EP300: variants seen among roughly 807,000 people sequenced by gnomAD.
EP300 encodes the protein histone acetyltransferase p300.
Under a neutral mutation model 264.0 loss-of-function variants are expected in EP300, and 31 were observed. The ratio of observed to expected loss-of-function variants is 0.12; its 90% CI spans 0.09 to 0.16. The LOEUF (loss-of-function observed/expected upper bound fraction) is 0.16. Ranked by LOEUF, EP300 falls within the 10% of genes least tolerant of loss-of-function variation. The pLI is 1.00. For missense variants in EP300, 2,766 were observed against 3,052.9 expected (o/e 0.91, Z 2.21); for synonymous variants, 1,340 against 1,045.4 (o/e 1.28, Z -5.44).
intron 17 of EP300, 109 bp from the exon 18 acceptor site, chr22:41,157,060 C>A: frequency 7.2e-7 from 1 of 1,387,670 alleles, no homozygotes; most frequent in Non-Finnish European, 1.0e-6. Context: ...TATAGACAGG[C>A]CAGAAACTAA....
chr22:41,135,883 G>T lies in EP300; in HGVS notation c.1599G>T (p.Leu533Phe). 6.2e-7 allele frequency: 1 copy of T among 1,613,930 alleles called. No homozygotes were observed. Among genetic ancestry groups the T allele is most frequent in the Non-Finnish European group, 8.5e-7 (1 of 1,179,870 alleles). Residue 533 changes from leucine (L) to phenylalanine (F), a missense_variant, in exon 7 of 31, where the codon TTG becomes TTT. By Grantham distance (22) the Leu-to-Phe change is conservative. Transcript: ENST00000263253. ...QTPSLLSDSM[L>F]HSAINSQNPM... ...CGAGTCTTCTTTCTGACTCAATGTT[G>T]CATTCAGCCATAAATTCTCAAAAGT...
intron 2 of EP300, 98 bp from the exon 3 acceptor site, chr22:41,125,766 G>C (rs780034458): frequency 5.6e-5 from 74 of 1,329,226 alleles, no homozygotes; most frequent in Non-Finnish European, 2.9e-5. Flanking sequence ...AATTTCCTTT[G>C]AAACTGTCTT....
At chr22:41,160,530 C>G (rs754807689) in intron 19 of EP300, 112 bp from the exon 20 acceptor site, 11 of 893,568 alleles carry the variant, frequency 1.2e-5, no homozygotes, top group Admixed American at 7.5e-5. Flanking sequence ...ATGACCTGCT[C>G]TCTGCTCCCG....
intron 27 of EP300, among the ~76,000 whole-genome samples, chr22:41,172,022 C>T (rs1317532809): frequency 6.6e-6 from 1 of 152,164 alleles, no homozygotes; most frequent in Non-Finnish European, 1.5e-5. Context: ...AGAAGTTTTC[C>T]TAAGCAGCCC....
rs997186440 is a variant in EP300, at chr22:41,179,092, CCG to C, written c.*137_*138del. 3.2e-5 allele frequency: 32 copies of C among 985,570 alleles called. No individual in the cohort carries two copies. The highest frequency in any genetic ancestry group is 2.8e-4 in the African/African-American group (17 of 61,442). The allele number at this position is 985,570 out of a possible 1,614,324, so 61.1% of individuals were successfully genotyped here. Reference sequence around the variant, plus strand: ...GGAACACATAAGAACTGTGCAGTAGCCGTTTGTGGTTTAAAGCAAACATGCAA... The same window carrying C: ...GGAACACATAAGAACTGTGCAGTAGCTTTGTGGTTTAAAGCAAACATGCAA... On this transcript the variant is annotated 3_prime_UTR_variant, in exon 31 of 31. Transcript: ENST00000263253.
At chr22:41,142,912 A>T (rs2058991308) in intron 10 of EP300, among the ~76,000 whole-genome samples, 1 of 151,950 alleles carries the variant, frequency 6.6e-6, no homozygotes, top group African/African-American at 2.4e-5. Flanking sequence ...GACATACCTG[A>T]GATACTTGGT....
intron 1 of EP300, among the ~76,000 whole-genome samples, chr22:41,099,179 T>C (rs2058717854): frequency 6.6e-6 from 1 of 152,092 alleles, no homozygotes. Flanking sequence ...ATTCTCCTGC[T>C]CAGCCTCCGG....
In EP300 at chr22:41,177,529, C is replaced by T. The variant is rs2145517900; in HGVS notation, c.5818C>T (p.Arg1940Cys). 11 of 1,614,164 alleles carry T rather than the reference C, an allele frequency of 6.8e-6. No individual in the cohort carries two copies. The highest frequency in any genetic ancestry group is 9.3e-6 in the Non-Finnish European group (11 of 1,180,028). The part of the protein sequence containing the change: ...MQIQRAAETQ[R>C]QMAHVQIFQR... ...GATTCAGAGAGCAGCGGAGACGCAG[C>T]GCCAGATGGCCCACGTGCAAATTTT... Residue 1940 changes from arginine (R) to cysteine (C), a missense_variant, in exon 31 of 31, where the codon CGC becomes TGC. Transcript: ENST00000263253.
rs79025492 is a variant in EP300, at chr22:41,093,206, C to A, written c.94+108C>A. The stretch of plus-strand genomic sequence containing the variant: ...TTCCTCTCTCTCTAGTTCCCTGCCC[C>A]TTAATTAATTTTAAAGGTATTTGAA... On this transcript the variant is annotated intron_variant, in intron 1 of 30. Coordinates refer to ENST00000263253, the MANE Select transcript of EP300 (RefSeq NM_001429.4). 16,525 of 1,118,968 alleles carry A rather than the reference C, an allele frequency of 0.015. 1,183 individuals are homozygous for A. In the East Asian group the frequency reaches 0.18, roughly 12 times the overall value. The allele number at this position is 1,118,968 out of a possible 1,614,324, so 69.3% of individuals were successfully genotyped here.
intron 12 of EP300, 80 bp downstream of exon 12, chr22:41,148,026 C>T (rs2059022415): frequency 2.0e-6 from 2 of 976,856 alleles, no homozygotes; most frequent in African/African-American, 1.7e-5. Context: ...TTTATAAATT[C>T]TCACAGTCAT....
intron 12 of EP300, among the ~76,000 whole-genome samples, chr22:41,148,365 C>T (rs1156818687): frequency 6.6e-6 from 1 of 152,196 alleles, no homozygotes; most frequent in Non-Finnish European, 1.5e-5. Flanking sequence ...TTAGAGTTAG[C>T]TGGTGCCTCT....
At chr22:41,130,562 C>A (rs1045364168) in intron 5 of EP300, among the ~76,000 whole-genome samples, 1 of 151,660 alleles carries the variant, frequency 6.6e-6, no homozygotes, top group Admixed American at 6.6e-5. Context: ...ACAAAAAAAA[C>A]AACTGAACAC....
intron 17 of EP300, among the ~76,000 whole-genome samples, chr22:41,155,849 C>T (rs576534631): frequency 6.6e-6 from 1 of 152,152 alleles, no homozygotes; most frequent in South Asian, 2.1e-4. Context: ...TTTTCTTTAC[C>T]TGTTGATGAG....
chr22:41,115,273 G>A (rs75898600), intron 1 of EP300, among the ~76,000 whole-genome samples: 1,744 of 152,238 alleles, frequency 0.011, 30 homozygotes, highest in African/African-American at 0.04. Flanking sequence ...ATTGGGATAT[G>A]GGTGCTACTG....
intron 1 of EP300, among the ~76,000 whole-genome samples, chr22:41,104,401 T>A (rs2058747232): frequency 6.6e-6 from 1 of 152,052 alleles, no homozygotes; most frequent in Non-Finnish European, 1.5e-5. Context: ...GTGATTTTCC[T>A]GCCTCAGCCT....
chr22:41,105,226 G>A (rs898115351), intron 1 of EP300, among the ~76,000 whole-genome samples: 3 of 147,178 alleles, frequency 2.0e-5, no homozygotes, highest in African/African-American at 7.4e-5. Flanking sequence ...AAAAAAGCCG[G>A]GCGTGGTGGC....
intron 11 of EP300, 139 bp downstream of exon 11, chr22:41,146,955 C>T (rs2059014442): frequency 3.9e-6 from 3 of 776,432 alleles, no homozygotes; most frequent in East Asian, 2.7e-5. Context: ...GGGTGAAGAG[C>T]AGGTTGGCTG....
chr22:41,140,288 C>A, intron 9 of EP300, 31 bp downstream of exon 9: 1 of 1,379,290 alleles, frequency 7.3e-7, no homozygotes, highest in Non-Finnish European at 1.0e-6. Context: ...TATTAATAGC[C>A]AAGATTGAAC....
intron 5 of EP300, among the ~76,000 whole-genome samples, chr22:41,130,640 A>G (rs746456338): frequency 3.9e-4 from 59 of 152,318 alleles, no homozygotes; most frequent in Non-Finnish European, 7.8e-4. Flanking sequence ...GCAATAGGTA[A>G]ATTTATGTTC....
Sources: allele counts gnomAD v4.1 joint callset (sites outside exome capture counted in the v4.1 genomes callset), GRCh38; gene constraint gnomAD v4.1.1; transcripts MANE v1.5; gene names NCBI Gene and HGNC (gene_info 2026-07-23, HGNC 2026-07-21).